ME3: variants seen among roughly 807,000 people sequenced by gnomAD.
ME3 encodes NADP-dependent malic enzyme, mitochondrial.
A neutral mutation model predicts 68.9 loss-of-function variants in ME3; 48 were observed. That is an observed-to-expected ratio of 0.70 (90% CI 0.55 to 0.89). ME3 has a LOEUF of 0.89. ME3 is among the 40% of genes least tolerant of loss of function. The probability of loss-of-function intolerance (pLI) is 0.00; values close to 1 mark genes in which losing one functional copy is unlikely to be tolerated. For synonymous variants in ME3, 320 were observed against 318.8 expected (o/e 1.00, Z -0.04); for missense variants, 675 against 797.4 (o/e 0.85, Z 1.85).
intron 2 of ME3, among the ~76,000 whole-genome samples, chr11:86,666,318 C>T (rs1946585991): frequency 6.6e-6 from 1 of 152,166 alleles, no homozygotes; most frequent in African/African-American, 2.4e-5. Flanking sequence ...TAAGACCTGT[C>T]ATCCTGGACT....
chr11:86,448,400 GACT>G, intron 10 of ME3, 145 bp from the exon 11 acceptor site: 1 of 637,654 alleles, frequency 1.6e-6, no homozygotes, highest in Non-Finnish European at 2.8e-6. Context: ...CCATCTTCTT[GACT>G]ACATTTCCTG....
In ME3 at chr11:86,568,187, G is replaced by A. The variant is rs1364223829; in HGVS notation, c.184-8364C>T. ...ACCTAATACCCTTGTGGAATTCAGC[G>A]AGGACATGCTGGTAGGGACCTGACT... is the stretch of plus-strand genomic sequence containing the variant. On this transcript the variant is annotated intron_variant, in intron 2 of 14. Coordinates refer to ENST00000543262, the Ensembl canonical transcript of ME3. 5.3e-5 allele frequency among the ~76,000 whole-genome samples: 8 copies of A among 152,278 alleles called. No homozygotes were observed. The East Asian group carries it at 1.4e-3, about 26-fold the overall frequency.
At chr11:86,586,921 A>G (rs1234132062) in intron 2 of ME3, among the ~76,000 whole-genome samples, 1 of 152,186 alleles carries the variant, frequency 6.6e-6, no homozygotes, top group Non-Finnish European at 1.5e-5. Flanking sequence ...AAAGAACTGA[A>G]GATATAAGGG....
At chr11:86,527,778 T>A (rs1010231964) in intron 4 of ME3, among the ~76,000 whole-genome samples, 1 of 152,146 alleles carries the variant, frequency 6.6e-6, no homozygotes, top group African/African-American at 2.4e-5. Flanking sequence ...GAAGGAGAAA[T>A]AAAATACTTC....
chr11:86,545,422 T>G (rs1956304118), intron 4 of ME3, among the ~76,000 whole-genome samples: 1 of 152,198 alleles, frequency 6.6e-6, no homozygotes, highest in Non-Finnish European at 1.5e-5. Flanking sequence ...GAAAACCCCA[T>G]CATCTCAGCC....
chr11:86,516,931 G>A (rs941102513), intron 4 of ME3, among the ~76,000 whole-genome samples: 3 of 152,128 alleles, frequency 2.0e-5, no homozygotes, highest in African/African-American at 7.2e-5. Flanking sequence ...GCTGCATGGA[G>A]CTTTGGGTTA....
intron 2 of ME3, among the ~76,000 whole-genome samples, chr11:86,646,569 C>T (rs145199386): frequency 2.6e-5 from 4 of 152,234 alleles, no homozygotes; most frequent in Non-Finnish European, 2.9e-5. Flanking sequence ...ATGAAACCTA[C>T]GTTTGATTGG....
At chr11:86,583,923 C>T (rs1054131688) in intron 2 of ME3, among the ~76,000 whole-genome samples, 1 of 151,996 alleles carries the variant, frequency 6.6e-6, no homozygotes, top group Non-Finnish European at 1.5e-5. Flanking sequence ...TTTATAGATA[C>T]AATATCAAAA....
intron 2 of ME3, among the ~76,000 whole-genome samples, chr11:86,560,478 C>A (rs1353550383): frequency 1.3e-5 from 2 of 151,914 alleles, no homozygotes; most frequent in Non-Finnish European, 2.9e-5. Flanking sequence ...TGAAAACGGA[C>A]TAATACAAAC....
intron 2 of ME3, among the ~76,000 whole-genome samples, chr11:86,634,684 T>G (rs542604975): frequency 9.2e-3 from 10 of 1,088 alleles, no homozygotes; most frequent in African/African-American, 0.073. Flanking sequence ...GTTCTGGGTC[T>G]TTTGTGTTTT....
intron 2 of ME3, among the ~76,000 whole-genome samples, chr11:86,648,631 TA>T (rs1324488268): frequency 1.3e-5 from 2 of 151,874 alleles, no homozygotes; most frequent in African/African-American, 4.8e-5. Context: ...ATAGACATAA[TA>T]AAAAATGATA....
At chr11:86,647,096 C>T (rs894871540) in intron 2 of ME3, among the ~76,000 whole-genome samples, 26 of 152,140 alleles carry the variant, frequency 1.7e-4, no homozygotes, top group African/African-American at 5.6e-4. Context: ...ACTGCAAAAA[C>T]GTATCAAAAA....
At chr11:86,487,487 GTT>G (rs759580667) in intron 6 of ME3, 47 bp from the exon 7 acceptor site, 416 of 1,162,546 alleles carry the variant, frequency 3.6e-4, no homozygotes, top group Admixed American at 7.3e-4. Flanking sequence ...CGGTGTTCCT[GTT>G]TTTTTTTTTT....
chr11:86,626,561 G>A (rs979504848), intron 2 of ME3, among the ~76,000 whole-genome samples: 6 of 152,174 alleles, frequency 3.9e-5, no homozygotes, highest in African/African-American at 1.4e-4. Flanking sequence ...TTTTGTTCCT[G>A]TAGACCTAAA....
chr11:86,552,890 G>T (rs1411698086), intron 4 of ME3, among the ~76,000 whole-genome samples: 2 of 152,198 alleles, frequency 1.3e-5, no homozygotes, highest in South Asian at 2.1e-4. Flanking sequence ...GATGAGGCAT[G>T]TGAAGACAGG....
chr11:86,613,276 A>G (rs1224631450), intron 2 of ME3, among the ~76,000 whole-genome samples: 1 of 151,918 alleles, frequency 6.6e-6, no homozygotes, highest in Non-Finnish European at 1.5e-5. Context: ...GTGTCCCTTT[A>G]TGTTAAAAAC....
chr11:86,557,865 C>T (rs919827979), intron 3 of ME3, among the ~76,000 whole-genome samples: 18 of 152,186 alleles, frequency 1.2e-4, no homozygotes, highest in Admixed American at 5.9e-4. Flanking sequence ...CTATGGAATC[C>T]GGCAGATTCC....
the ME3 span, chr11:86,435,488 A>G: frequency 6.2e-4 from 95 of 152,324 alleles, no homozygotes; most frequent in Middle Eastern, 3.4e-3. Context: ...ACTAATAAGG[A>G]TCAAGCTTGG....
chr11:86,608,839 G>A lies in ME3; in HGVS notation c.184-49016C>T, dbSNP rs183248037. Among the ~76,000 whole-genome samples, 6 of 152,314 alleles carry A rather than the reference G, an allele frequency of 3.9e-5. No individual in the cohort carries two copies. In the East Asian group the frequency reaches 1.2e-3, roughly 29 times the overall value. Reference sequence around the variant, plus strand: ...GGTATATAAGATAATTCACTGGTAAGTCTTGGTGCAATGAAGAAAGTAAAA... The same window carrying A: ...GGTATATAAGATAATTCACTGGTAAATCTTGGTGCAATGAAGAAAGTAAAA... On this transcript the variant is annotated intron_variant, in intron 2 of 14. Transcript: ENST00000543262.
Sources: allele counts gnomAD v4.1 joint callset (sites outside exome capture counted in the v4.1 genomes callset), GRCh38; gene constraint gnomAD v4.1.1; transcripts MANE v1.5; gene names NCBI Gene and HGNC (gene_info 2026-07-23, HGNC 2026-07-21).